The following PCCB variants were observed in gnomAD, a reference collection of about 807,000 sequenced individuals.
The protein encoded by PCCB is propionyl-CoA carboxylase subunit beta.
Under a neutral mutation model 60.7 loss-of-function variants are expected in PCCB, and 43 were observed. That is an observed-to-expected ratio of 0.71 (90% confidence interval 0.55 to 0.91). The LOEUF (loss-of-function observed/expected upper bound fraction) is 0.91, where lower values mean the gene tolerates loss of function less well. Among genes scored for constraint, PCCB ranks in the 40% least tolerant of loss-of-function variants. PCCB has a pLI of 0.00. For synonymous variants in PCCB, 276 were observed against 255.9 expected, an observed-to-expected ratio of 1.08 and a Z score of -0.75; for missense variants, 766 against 702.8, an observed-to-expected ratio of 1.09 and a Z score of -1.02.
At chr3:136,300,003 C>T (rs1458258319) in intron 8 of PCCB, among the ~76,000 whole-genome samples, 1 of 151,510 alleles carries the variant, frequency 6.6e-6, no homozygotes. Context: ...TATGCATACC[C>T]ACACATATGC....
At chr3:136,301,175 G>A (rs1419383954) in intron 9 of PCCB, 64 bp downstream of exon 9, 6 of 1,303,214 alleles carry the variant, frequency 4.6e-6, no homozygotes, top group East Asian at 4.6e-5. Context: ...ATTGTGCTTC[G>A]GCTTAGTGAG....
chr3:136,330,157 T>TTCTA lies in PCCB; in HGVS notation c.*132_*135dup. The stretch of plus-strand genomic sequence containing the variant: ...ACTTAGAATAACTAAGTTTATTAAA[T>TTCTA]TCTAGAAAGATCTCTTTTGTGCCTT... On this transcript the variant is annotated 3_prime_UTR_variant, in exon 15 of 15. Coordinates refer to ENST00000251654, the MANE Select transcript of PCCB (RefSeq NM_000532.5). The TTCTA allele has an allele frequency of 2.0e-6, 3 of 1,533,990 alleles. No individual in the cohort carries two copies. Among genetic ancestry groups the TTCTA allele is most frequent in the Non-Finnish European group, 2.7e-6 (3 of 1,131,296 alleles).
At chr3:136,302,171 C>CATATAAGTACTATATG (rs1560021373) in intron 9 of PCCB, among the ~76,000 whole-genome samples, 2 of 133,080 alleles carry the variant, frequency 1.5e-5, no homozygotes, top group Admixed American at 8.2e-5. Flanking sequence ...CCCACCCCGG[C>CATATAAGTACTATATG]TCCTGCAAGC....
At chr3:136,254,264 G>C (rs1305966557) in intron 1 of PCCB, among the ~76,000 whole-genome samples, 2 of 151,834 alleles carry the variant, frequency 1.3e-5, no homozygotes, top group Non-Finnish European at 2.9e-5. Context: ...TGTCACCCAG[G>C]CTGGAGTACA....
intron 5 of PCCB, among the ~76,000 whole-genome samples, chr3:136,275,278 G>C (rs2108169749): frequency 6.6e-6 from 1 of 151,780 alleles, no homozygotes; most frequent in South Asian, 2.1e-4. Flanking sequence ...CGGAAATTCT[G>C]ATTGTTTTTT....
chr3:136,330,023 G>A lies in PCCB; in HGVS notation c.1617G>A (p.Leu539=). 3 of 1,614,092 alleles carry A rather than the reference G, an allele frequency of 1.9e-6. No homozygotes were observed. Among genetic ancestry groups the A allele is most frequent in the Non-Finnish European group, 2.5e-6 (3 of 1,179,968 alleles). Residue 539 remains leucine (L), a synonymous_variant, in exon 15 of 15, where the codon TTG becomes TTA. Transcript: ENST00000251654. ...RPWRKHANIP[L] ...GGAGAAAACATGCAAATATTCCATTGTAAACAAATCAAAGGAAAAGAAACC... is the reference window on the plus strand; with the variant it reads ...GGAGAAAACATGCAAATATTCCATTATAAACAAATCAAAGGAAAAGAAACC...
At chr3:136,260,651 C>A in intron 4 of PCCB, 116 bp downstream of exon 4, 1 of 864,510 alleles carries the variant, frequency 1.2e-6, no homozygotes, top group Non-Finnish European at 1.9e-6. Context: ...CAGAGGTATG[C>A]AAGATGTGCT....
At position 136,329,930 on chromosome 3, in the gene PCCB, T is replaced by G. The variant is rs767835674; in HGVS notation, c.1524T>G (p.Pro508=). The stretch of plus-strand genomic sequence containing the variant: ...GGTTTGTGGATGACATCATCCAACC[T>G]TCTTCCACACGTGCCCGAATCTGCT... ...VRGFVDDIIQ[P]SSTRARICCD... is the part of the protein sequence containing the mutation. The change falls in exon 15 of 15, where the codon CCT becomes CCG. Residue 508 remains proline (P), a synonymous_variant. Coordinates refer to ENST00000251654, the MANE Select transcript of PCCB (RefSeq NM_000532.5). The G allele has an allele frequency of 1.9e-6, 3 of 1,614,178 alleles. No individual in the cohort carries two copies. The highest frequency in any genetic ancestry group is 1.7e-5 in the Admixed American group (1 of 60,030).
chr3:136,261,607 G>C (rs963824870), intron 4 of PCCB, among the ~76,000 whole-genome samples: 1 of 152,188 alleles, frequency 6.6e-6, no homozygotes, highest in Non-Finnish European at 1.5e-5. Context: ...TCTGTCTACT[G>C]TAAGTTCTGT....
intron 3 of PCCB, among the ~76,000 whole-genome samples, chr3:136,257,125 C>T (rs564417982): frequency 2.0e-5 from 3 of 152,244 alleles, no homozygotes; most frequent in South Asian, 2.1e-4. Flanking sequence ...TTATTTTACA[C>T]GCAAAAGGGA....
At chr3:136,326,978 G>A (rs1171210763) in intron 11 of PCCB, 68 bp downstream of exon 11, 1 of 1,195,844 alleles carries the variant, frequency 8.4e-7, no homozygotes. Flanking sequence ...TTTATTTGGA[G>A]ATCTTCTTGC....
intron 1 of PCCB, chr3:136,251,317 T>G: frequency 2.2e-6 from 1 of 456,638 alleles, no homozygotes; most frequent in Non-Finnish European, 4.4e-6. Flanking sequence ...GAAACCAGGC[T>G]TGCCCAGTGT....
intron 1 of PCCB, among the ~76,000 whole-genome samples, chr3:136,253,845 C>G (rs932729708): frequency 5.3e-5 from 8 of 151,662 alleles, no homozygotes; most frequent in African/African-American, 1.2e-4. Context: ...GACAGAGTCT[C>G]GCTTTGTTGC....
At chr3:136,253,504 C>T (rs1406187498) in intron 1 of PCCB, among the ~76,000 whole-genome samples, 1 of 151,690 alleles carries the variant, frequency 6.6e-6, no homozygotes, top group African/African-American at 2.4e-5. Flanking sequence ...CCTGCGTTAG[C>T]CTCTTGAGTA....
Position 136,327,274 on chromosome 3 carries a change from A to G in PCCB, c.1299+19A>G. On this transcript the variant is annotated intron_variant, in intron 12 of 14. Transcript: ENST00000251654. ...CAGGAAGGTGAGGACCTCATGTTGG[A>G]GGCCATGACCCTGCTCACTTTCCTA... 2 of 1,584,034 alleles carry G rather than the reference A, an allele frequency of 1.3e-6. No individual in the cohort carries two copies. Among genetic ancestry groups the G allele is most frequent in the Non-Finnish European group, 8.7e-7 (1 of 1,152,562 alleles).
At chr3:136,255,709 C>G (rs1384878195) in intron 1 of PCCB, 147 bp from the exon 2 acceptor site, 3 of 752,832 alleles carry the variant, frequency 4.0e-6, no homozygotes, top group Non-Finnish European at 4.8e-6. Context: ...TAACACCTAT[C>G]TGCCTTGGGC....
chr3:136,276,976 A>G (rs1046698416), intron 5 of PCCB, among the ~76,000 whole-genome samples: 2 of 152,170 alleles, frequency 1.3e-5, no homozygotes, highest in Non-Finnish European at 2.9e-5. Flanking sequence ...GTTGATTGCT[A>G]TTCTTCTGGG....
Position 136,276,945 on chromosome 3 carries a change from A to C in PCCB, c.544-6892A>C, listed in dbSNP as rs542554949. Among the ~76,000 whole-genome samples the C allele has an allele frequency of 2.0e-5, 3 of 152,300 alleles. No homozygotes were observed. In the South Asian group the frequency reaches 6.2e-4, roughly 32 times the overall value. On this transcript the variant is annotated intron_variant, in intron 5 of 14. Transcript: ENST00000251654. ...GTCTCCTCCTTCCCTTAGGAGTAAG[A>C]ATTCCTGAGAGCCAGGATAAGTTGA...
chr3:136,273,465 A>T (rs572488693), intron 5 of PCCB, among the ~76,000 whole-genome samples: 69 of 151,818 alleles, frequency 4.5e-4, no homozygotes, highest in Non-Finnish European at 8.5e-4. Context: ...TAGGTCTAGT[A>T]GTAATTGTTT....
Sources: gnomAD v4.1 joint callset for allele counts (sites outside exome capture counted in the v4.1 genomes callset) on GRCh38, gnomAD v4.1.1 for gene constraint, MANE v1.5 for transcripts, NCBI Gene and HGNC (gene_info 2026-07-23, HGNC 2026-07-21) for gene names.